Variants in ITSN1 observed in about 807,000 individuals in gnomAD.
ITSN1 encodes the protein intersectin-1.
ITSN1 carries 58 observed loss-of-function variants against 239.8 expected under a neutral mutation model. The observed-to-expected ratio is 0.24, with a 90% CI of 0.20 to 0.30. The LOEUF is 0.30. Among genes scored for constraint, ITSN1 ranks in the 10% least tolerant of loss-of-function variants. ITSN1 has a pLI of 1.00. For synonymous variants in ITSN1, 780 were observed against 770.8 expected (o/e 1.01, Z -0.20); for missense variants, 1,558 against 2,103.3 (o/e 0.74, Z 5.07).
At chr21:33,828,315 TCATCCCAGCGTAGA>T (rs910587738) in intron 26 of ITSN1, among the ~76,000 whole-genome samples, 31 of 152,248 alleles carry the variant, frequency 2.0e-4, no homozygotes, top group Non-Finnish European at 4.3e-4. Flanking sequence ...AGGAGAGTCC[TCATCCCAGCGTAGA>T]CATCCCAGCT....
intron 10 of ITSN1, 93 bp downstream of exon 10, chr21:33,766,105 C>A: frequency 7.5e-7 from 1 of 1,340,514 alleles, no homozygotes; most frequent in Non-Finnish European, 1.1e-6. Context: ...TGATTTTCAT[C>A]CCTGACAAGG....
intron 25 of ITSN1, among the ~76,000 whole-genome samples, chr21:33,826,381 T>A (rs1882281096): frequency 1.3e-5 from 2 of 152,358 alleles, no homozygotes; most frequent in Admixed American, 1.3e-4. Flanking sequence ...TATTTTAATG[T>A]GTTAAAACCG....
At chr21:33,677,678 C>T (rs903105003) in intron 1 of ITSN1, among the ~76,000 whole-genome samples, 10 of 152,134 alleles carry the variant, frequency 6.6e-5, no homozygotes, top group African/African-American at 2.2e-4. Flanking sequence ...CCCTAATGCG[C>T]ACACCCCAGT....
At chr21:33,788,728 A>AAGAC (rs1456247525) in intron 16 of ITSN1, among the ~76,000 whole-genome samples, 1 of 152,190 alleles carries the variant, frequency 6.6e-6, no homozygotes, top group Non-Finnish European at 1.5e-5. Context: ...GCAAGACTCC[A>AAGAC]TCTCAAATAA....
At position 33,779,537 on chromosome 21, in the gene ITSN1, C is replaced by T. The variant is rs550728055; in HGVS notation, c.1597-1924C>T. On this transcript the variant is annotated intron_variant, in intron 14 of 39. Transcript: ENST00000381318. Reference sequence around the variant, plus strand: ...GCTGTTGTAATTAGGTAGAGTGTTCCCTAAATATCAGTTAGATCAAGTTGA... The same window carrying T: ...GCTGTTGTAATTAGGTAGAGTGTTCTCTAAATATCAGTTAGATCAAGTTGA... 2.0e-5 allele frequency among the ~76,000 whole-genome samples: 3 copies of T among 152,154 alleles called. No individual in the cohort carries two copies. The East Asian group carries it at 5.8e-4, about 29-fold the overall frequency.
At chr21:33,762,306 GC>G (rs1191389612) in intron 9 of ITSN1, among the ~76,000 whole-genome samples, 1 of 147,410 alleles carries the variant, frequency 6.8e-6, no homozygotes, top group African/African-American at 2.5e-5. Flanking sequence ...TACTCTAGTT[GC>G]CCAGGCTGGA....
chr21:33,748,024 A>T (rs1601980566), intron 5 of ITSN1, among the ~76,000 whole-genome samples: 1 of 152,258 alleles, frequency 6.6e-6, no homozygotes, highest in Admixed American at 6.5e-5. Context: ...TATTGGGCTT[A>T]TAACATATTA....
chr21:33,769,884 G>A (rs534614157), intron 11 of ITSN1, among the ~76,000 whole-genome samples: 10 of 150,874 alleles, frequency 6.6e-5, no homozygotes, highest in East Asian at 5.9e-4. Flanking sequence ...TAGTAGAGAC[G>A]GAGGTTTCAC....
intron 14 of ITSN1, among the ~76,000 whole-genome samples, chr21:33,776,557 AAAAAG>A (rs1383798776): frequency 2.0e-5 from 3 of 151,472 alleles, no homozygotes; most frequent in South Asian, 2.1e-4. Flanking sequence ...AAAAAAAAAA[AAAAAG>A]AGAGAGAAAA....
chr21:33,733,886 A>G (rs527754499), intron 4 of ITSN1, among the ~76,000 whole-genome samples: 81 of 152,274 alleles, frequency 5.3e-4, no homozygotes, highest in Middle Eastern at 3.4e-3. Context: ...AACTTTTACA[A>G]TCTTGATCAC....
chr21:33,801,885 T>C (rs2072031960), intron 19 of ITSN1, among the ~76,000 whole-genome samples: 1 of 152,216 alleles, frequency 6.6e-6, no homozygotes, highest in Non-Finnish European at 1.5e-5. Context: ...CTGTCAGCTT[T>C]CCTCTGACTT....
chr21:33,749,391 C>T (rs1318950494), intron 5 of ITSN1, among the ~76,000 whole-genome samples: 1 of 151,876 alleles, frequency 6.6e-6, no homozygotes, highest in African/African-American at 2.4e-5. Flanking sequence ...GCCTGTAATC[C>T]CAGCACTTTG....
At chr21:33,777,408 A>G (rs185535456) in intron 14 of ITSN1, among the ~76,000 whole-genome samples, 82 of 152,258 alleles carry the variant, frequency 5.4e-4, no homozygotes, top group Non-Finnish European at 1.1e-3. Context: ...TGTTCTTTTT[A>G]GAATTGTTTT....
chr21:33,875,423 G>A lies in ITSN1; in HGVS notation c.4243G>A (p.Glu1415Lys). 6.2e-7 allele frequency: 1 copy of A among 1,614,174 alleles called. No individual in the cohort carries two copies. The change falls in exon 34 of 40, where the codon GAG becomes AAG. Residue 1415 changes from glutamate to lysine, a missense_variant. This residue lies in a region of ITSN1 where 576 missense variants were observed against 893.3 expected (regional missense o/e 0.64). Transcript: ENST00000381318. ...GAAGCACGCCCTGGAGAAGGCGGAA[G>A]AGCTCTGTTCCCAGGTGAACGAAGG... ...HLKHALEKAE[E>K]LCSQVNEGVR...
intron 5 of ITSN1, among the ~76,000 whole-genome samples, chr21:33,739,003 C>T (rs911911955): frequency 6.6e-6 from 1 of 152,154 alleles, no homozygotes; most frequent in African/African-American, 2.4e-5. Context: ...CTCTTTTGCC[C>T]AGGCTGGTCT....
chr21:33,816,664 A>G (rs1436725848), intron 22 of ITSN1, among the ~76,000 whole-genome samples: 5 of 152,206 alleles, frequency 3.3e-5, no homozygotes, highest in African/African-American at 7.2e-5. Context: ...GTGAGGGCAC[A>G]GTTGAAAGGC....
intron 27 of ITSN1, among the ~76,000 whole-genome samples, chr21:33,832,448 G>A (rs2074349849): frequency 2.0e-5 from 3 of 152,246 alleles, no homozygotes; most frequent in Admixed American, 1.3e-4. Flanking sequence ...CTCTAGCACT[G>A]TGCTTAAGTG....
chr21:33,675,124 A>G (rs2090513825), intron 1 of ITSN1, among the ~76,000 whole-genome samples: 1 of 152,170 alleles, frequency 6.6e-6, no homozygotes, highest in African/African-American at 2.4e-5. Context: ...ATCTTTTCAT[A>G]TCATTAGATG....
At chr21:33,759,970 G>A (rs1287639254) in intron 8 of ITSN1, among the ~76,000 whole-genome samples, 1 of 152,070 alleles carries the variant, frequency 6.6e-6, no homozygotes, top group Non-Finnish European at 1.5e-5. Flanking sequence ...AGGTGTGGTG[G>A]CGCATGCCTG....
Sources: allele counts gnomAD v4.1 joint callset (sites outside exome capture counted in the v4.1 genomes callset), GRCh38; gene constraint gnomAD v4.1.1; regional missense constraint gnomAD v4.1.1; transcripts MANE v1.5; gene names NCBI Gene and HGNC (gene_info 2026-07-23, HGNC 2026-07-21).